Variants in CHCHD3 observed in about 807,000 individuals in gnomAD.
The protein encoded by CHCHD3 is coiled-coil-helix-coiled-coil-helix domain containing 3.
CHCHD3 carries 20 observed loss-of-function variants against 38.2 expected under a neutral mutation model. The observed-to-expected ratio is 0.52, with a 90% confidence interval of 0.37 to 0.76. The LOEUF (loss-of-function observed/expected upper bound fraction) is 0.76, where lower values mean the gene tolerates loss of function less well. CHCHD3 is among the 30% of genes least tolerant of loss of function. The pLI, the probability that CHCHD3 is intolerant of heterozygous loss-of-function variation, is 0.00. For missense variants in CHCHD3, 245 were observed against 279.2 expected (o/e 0.88, Z 0.87); for synonymous variants, 82 against 100.0 (o/e 0.82, Z 1.07).
At chr7:133,069,995 A>G in intron 2 of CHCHD3, 147 bp downstream of exon 2, 2 of 563,654 alleles carry the variant, frequency 3.5e-6, no homozygotes, top group South Asian at 6.6e-5. Flanking sequence ...TTTAAAAGAA[A>G]CCCCAATACT....
chr7:132,802,197 G>C (rs1478036326), intron 6 of CHCHD3, among the ~76,000 whole-genome samples: 1 of 152,034 alleles, frequency 6.6e-6, no homozygotes, highest in African/African-American at 2.4e-5. Context: ...GAAATGATGG[G>C]GGGCAGGGTG....
At chr7:133,063,622 A>G (rs1054664097) in intron 2 of CHCHD3, among the ~76,000 whole-genome samples, 4 of 152,238 alleles carry the variant, frequency 2.6e-5, no homozygotes, top group African/African-American at 7.2e-5. Flanking sequence ...GGTGGAAAAT[A>G]CATATTCTTA....
chr7:132,814,367 C>G (rs899477549), intron 6 of CHCHD3, among the ~76,000 whole-genome samples: 1 of 152,124 alleles, frequency 6.6e-6, no homozygotes, highest in African/African-American at 2.4e-5. Context: ...CCCCATACTC[C>G]CAAAAGCTTT....
chr7:133,025,343 C>A (rs1047780669), intron 2 of CHCHD3, among the ~76,000 whole-genome samples: 4 of 152,142 alleles, frequency 2.6e-5, no homozygotes, highest in Admixed American at 2.0e-4. Context: ...ATAAAATGGA[C>A]AAATTTCACA....
intron 2 of CHCHD3, among the ~76,000 whole-genome samples, chr7:133,066,642 G>A (rs1488887684): frequency 1.3e-5 from 2 of 152,110 alleles, no homozygotes; most frequent in Non-Finnish European, 2.9e-5. Context: ...TTCAAATGGG[G>A]AGTGAGAAGG....
chr7:132,821,747 C>CT (rs71178063), intron 6 of CHCHD3, among the ~76,000 whole-genome samples: 15,370 of 99,754 alleles, frequency 0.15, 3,351 homozygotes, highest in African/African-American at 0.2. Context: ...GCACTCAAAT[C>CT]TTTTTTTTTT....
At chr7:132,867,215 TA>T (rs1454047400) in intron 5 of CHCHD3, among the ~76,000 whole-genome samples, 2 of 152,172 alleles carry the variant, frequency 1.3e-5, no homozygotes, top group African/African-American at 2.4e-5. Flanking sequence ...TAGTAGGTTC[TA>T]AATAAATATT....
intron 6 of CHCHD3, among the ~76,000 whole-genome samples, chr7:132,816,858 C>T (rs934062539): frequency 1.2e-4 from 19 of 152,290 alleles, no homozygotes; most frequent in Admixed American, 1.2e-3. Context: ...TTGCCTCCCA[C>T]ATTTGCACAA....
chr7:132,823,722 T>C (rs765220833), intron 6 of CHCHD3, among the ~76,000 whole-genome samples: 92 of 152,178 alleles, frequency 6.0e-4, no homozygotes, highest in Non-Finnish European at 9.4e-4. Context: ...ATTATAGACA[T>C]AAATTAAAAA....
chr7:132,918,636 A>C (rs908606391), intron 4 of CHCHD3, among the ~76,000 whole-genome samples: 1 of 152,170 alleles, frequency 6.6e-6, no homozygotes, highest in African/African-American at 2.4e-5. Context: ...GTCAGTGAGA[A>C]CTAAAAGACT....
rs145835990 is a variant in CHCHD3 at position 132,983,216 on chromosome 7, G to A, written c.252-7930C>T. 7.0e-3 allele frequency among the ~76,000 whole-genome samples: 1,071 copies of A among 152,178 alleles called. 14 individuals carry two copies. Among genetic ancestry groups the A allele is most frequent in the African/African-American group, 0.024 (996 of 41,488 alleles). On this transcript the variant is annotated intron_variant, in intron 3 of 7. Coordinates refer to ENST00000262570, the MANE Select transcript of CHCHD3 (RefSeq NM_017812.4). ...TAGCACCTGTAATCCCAGCTACTCG[G>A]GAGGCTGAGGCAAGGAGAATTGCTT...
chr7:133,077,832 A>G (rs1201752357), intron 1 of CHCHD3, among the ~76,000 whole-genome samples: 1 of 152,190 alleles, frequency 6.6e-6, no homozygotes, highest in Non-Finnish European at 1.5e-5. Flanking sequence ...GTAAAAATAT[A>G]GGTTACTTTT....
At chr7:132,977,071 C>A (rs1227994205) in intron 3 of CHCHD3, among the ~76,000 whole-genome samples, 1 of 152,212 alleles carries the variant, frequency 6.6e-6, no homozygotes, top group African/African-American at 2.4e-5. Context: ...AATTATTTCA[C>A]AAGGACCATA....
intron 4 of CHCHD3, among the ~76,000 whole-genome samples, chr7:132,936,211 A>G (rs1700007972): frequency 6.6e-6 from 1 of 152,192 alleles, no homozygotes; most frequent in Admixed American, 6.5e-5. Context: ...GACAGGCATT[A>G]TTGTCCCCTC....
chr7:132,963,684 C>A (rs1235447391), intron 4 of CHCHD3, among the ~76,000 whole-genome samples: 7 of 139,294 alleles, frequency 5.0e-5, no homozygotes, highest in African/African-American at 1.9e-4. Flanking sequence ...CTATGCAACA[C>A]AAACGATTAT....
chr7:132,859,994 C>T (rs554991355), intron 5 of CHCHD3, among the ~76,000 whole-genome samples: 5 of 152,210 alleles, frequency 3.3e-5, no homozygotes, highest in South Asian at 4.2e-4. Flanking sequence ...ACACAGGGCT[C>T]GGCTCGGTGG....
chr7:132,982,999 A>G (rs190152972), intron 3 of CHCHD3, among the ~76,000 whole-genome samples: 226 of 152,314 alleles, frequency 1.5e-3, no homozygotes, highest in Non-Finnish European at 2.6e-3. Flanking sequence ...ATCATTCACT[A>G]TCATAAAATA....
intron 1 of CHCHD3, 75 bp downstream of exon 1, chr7:133,081,782 G>C: frequency 1.4e-6 from 2 of 1,449,970 alleles, no homozygotes; most frequent in Non-Finnish European, 1.9e-6. Flanking sequence ...AACCCAGGCT[G>C]AGCGGGTCCG....
intron 3 of CHCHD3, among the ~76,000 whole-genome samples, chr7:133,018,859 T>C (rs1022373754): frequency 2.5e-4 from 37 of 146,440 alleles, no homozygotes; most frequent in African/African-American, 9.3e-4. Flanking sequence ...AGCACCATGC[T>C]AGTTGCATGA....
Sources: allele counts gnomAD v4.1 joint callset (sites outside exome capture counted in the v4.1 genomes callset), GRCh38; gene constraint gnomAD v4.1.1; transcripts MANE v1.5; gene names NCBI Gene and HGNC (gene_info 2026-07-23, HGNC 2026-07-21).